The following LRP2 variants were observed in gnomAD, a reference collection of about 807,000 sequenced individuals.
The protein encoded by LRP2 is LDL receptor related protein 2, also known as low-density lipoprotein receptor-related protein 2.
Under a neutral mutation model 531.0 loss-of-function variants are expected in LRP2, and 172 were observed. The observed-to-expected ratio is 0.32, with a 90% CI of 0.29 to 0.37. The LOEUF (loss-of-function observed/expected upper bound fraction) is 0.37, where lower values mean the gene tolerates loss of function less well. LRP2 is among the 10% of genes least tolerant of loss of function. LRP2 has a pLI of 1.00. For synonymous variants in LRP2, 1,992 were observed against 2,027.6 expected (o/e 0.98, Z 0.47); for missense variants, 5,167 against 5,868.3 (o/e 0.88, Z 3.90).
chr2:169,271,006 G>A lies in LRP2; in HGVS notation c.2218C>T (p.Pro740Ser). 1 of 1,613,228 alleles carries A rather than the reference G, an allele frequency of 6.2e-7. No homozygotes were observed. Among genetic ancestry groups the A allele is most frequent in the Non-Finnish European group, 8.5e-7 (1 of 1,179,574 alleles). Reference protein sequence around the residue: ...EDVMVPVSGNPSFFVGIDFDA... With the variant: ...EDVMVPVSGNSSFFVGIDFDA... ...AAATCAATCCCGACAAAGAAAGAAG[G>A]ATTCCCCGAAACTGGAACCATGACA... The change falls in exon 16 of 79, where the codon CCT becomes TCT. Residue 740 changes from proline to serine, a missense_variant. By Grantham distance (74) the Pro-to-Ser change is moderately conservative. Transcript: ENST00000649046.
At chr2:169,202,350 G>C (rs1226024692) in intron 43 of LRP2, among the ~76,000 whole-genome samples, 1 of 152,226 alleles carries the variant, frequency 6.6e-6, no homozygotes, top group East Asian at 1.9e-4. Context: ...TACGAAAATT[G>C]GTAAAATGAT....
chr2:169,333,252 A>G (rs1292043792), intron 1 of LRP2, among the ~76,000 whole-genome samples: 1 of 152,178 alleles, frequency 6.6e-6, no homozygotes, highest in Non-Finnish European at 1.5e-5. Flanking sequence ...TTTTATAAGC[A>G]GAAAGTTCAA....
At chr2:169,157,328 T>C (rs80009544) in intron 64 of LRP2, 43 bp downstream of exon 64, 17,543 of 1,601,166 alleles carry the variant, frequency 0.011, 105 homozygotes, top group Non-Finnish European at 0.013. Flanking sequence ...GAACCTTAGA[T>C]GTAAAGTTCA....
rs1224873209 is a variant in LRP2, at chr2:169,185,605, C to T, written c.9743G>A (p.Arg3248Lys). 2 of 1,614,144 alleles carry T rather than the reference C, an allele frequency of 1.2e-6. No individual in the cohort carries two copies. The highest frequency in any genetic ancestry group is 1.1e-5 in the South Asian group (1 of 91,080). ...CAGAAACATTCTCTCAATGACTTGC[C>T]TCTGTGTATCAATCCAATACAATCT... ...EKRLYWIDTQ[R>K]QVIERMFLNK... Residue 3248 changes from arginine (R) to lysine (K), a missense_variant, in exon 50 of 79, where the codon AGG becomes AAG. Coordinates refer to ENST00000649046, the MANE Select transcript of LRP2 (RefSeq NM_004525.3).
At chr2:169,196,834 T>A in intron 46 of LRP2, 77 bp downstream of exon 46, 1 of 1,595,872 alleles carries the variant, frequency 6.3e-7, no homozygotes, top group East Asian at 2.2e-5. Context: ...GACCCTGGTC[T>A]GTATTTGAAG....
intron 35 of LRP2, among the ~76,000 whole-genome samples, chr2:169,215,639 A>G (rs541806196): frequency 6.6e-6 from 1 of 150,438 alleles, no homozygotes; most frequent in East Asian, 1.9e-4. Context: ...CATAGAATAT[A>G]CCTATATCCT....
chr2:169,362,136 G>T (rs1426105513), intron 1 of LRP2, among the ~76,000 whole-genome samples, 185 bp downstream of exon 1: 1 of 152,226 alleles, frequency 6.6e-6, no homozygotes, highest in South Asian at 2.1e-4. Flanking sequence ...TTCCTGGCGA[G>T]CGAAGAGGGG....
chr2:169,277,190 T>C (rs1234587261), intron 13 of LRP2, among the ~76,000 whole-genome samples: 2 of 64,748 alleles, frequency 3.1e-5, no homozygotes, highest in African/African-American at 1.0e-4. Context: ...TGAGACTCCA[T>C]CTCAAAAAAA....
intron 33 of LRP2, among the ~76,000 whole-genome samples, chr2:169,222,558 A>G (rs1442671034): frequency 1.3e-5 from 2 of 152,170 alleles, no homozygotes; most frequent in African/African-American, 2.4e-5. Context: ...ACAAATTCCA[A>G]GATCACCAAT....
In LRP2 at chr2:169,256,127, A is replaced by G; in HGVS notation, c.2749T>C (p.Phe917Leu). Residue 917 changes from phenylalanine to leucine, a missense_variant, in exon 19 of 79, where the codon TTT (phenylalanine) becomes CTT (leucine). Around this residue, in one of 6 missense-constraint regions of LRP2, gnomAD observed 2,811 missense variants for 3,058.0 expected, o/e 0.92. Transcript: ENST00000649046. ...ATACCTCCAAAGATGGCAAGTCCAAACGGATGTGTCATCTGCTCTATATGG... is the reference window on the plus strand; with the variant it reads ...ATACCTCCAAAGATGGCAAGTCCAAGCGGATGTGTCATCTGCTCTATATGG... ...LGHIEQMTHPFGLAIFGEHLF... is the reference protein window; with the variant it reads ...LGHIEQMTHPLGLAIFGEHLF... 5 of 1,612,998 alleles carry G rather than the reference A, an allele frequency of 3.1e-6. No individual in the cohort carries two copies. The highest frequency in any genetic ancestry group is 4.2e-6 in the Non-Finnish European group (5 of 1,179,218).
At chr2:169,334,300 C>G (rs901721419) in intron 1 of LRP2, among the ~76,000 whole-genome samples, 1 of 152,106 alleles carries the variant, frequency 6.6e-6, no homozygotes, top group Non-Finnish European at 1.5e-5. Context: ...AAAATCTCTA[C>G]TAACTGACAC....
At chr2:169,338,150 G>A (rs1299360703) in intron 1 of LRP2, among the ~76,000 whole-genome samples, 1 of 148,806 alleles carries the variant, frequency 6.7e-6, no homozygotes, top group Non-Finnish European at 1.5e-5. Flanking sequence ...TAGGGAAGGA[G>A]GAAGAGAGGG....
At chr2:169,243,375 T>A (rs772295659) in intron 23 of LRP2, 28 bp downstream of exon 23, 2 of 1,613,228 alleles carry the variant, frequency 1.2e-6, no homozygotes, top group South Asian at 2.2e-5. Context: ...ATAAACATTG[T>A]GAATAAAAAA....
rs1683644427 is a variant in LRP2 at position 169,279,575 on chromosome 2, A to G, written c.1362T>C (p.Asn454=). Residue 454 remains asparagine, a synonymous_variant, in exon 12 of 79, where the codon AAT becomes AAC. Coordinates refer to ENST00000649046, the MANE Select transcript of LRP2 (RefSeq NM_004525.3). ...TGAGAACCTCTTGGATATTTAAACC[A>G]TTAATGTCAACTGAAAAAACCTGAA... The part of the protein sequence containing the change: ...VQNKVFSVDI[N]GLNIQEVLNV... The G allele has an allele frequency of 3.1e-6, 5 of 1,612,598 alleles. No individual in the cohort carries two copies. The highest frequency in any genetic ancestry group is 2.2e-5 in the South Asian group (2 of 90,998).
At chr2:169,281,225 C>A (rs1683694654) in intron 10 of LRP2, among the ~76,000 whole-genome samples, 1 of 152,094 alleles carries the variant, frequency 6.6e-6, no homozygotes, top group South Asian at 2.1e-4. Flanking sequence ...AGTTCGAGAT[C>A]AGCCTGGCCA....
intron 16 of LRP2, among the ~76,000 whole-genome samples, chr2:169,270,644 T>C (rs1286417438): frequency 1.3e-5 from 2 of 150,100 alleles, no homozygotes; most frequent in African/African-American, 2.4e-5. Context: ...TTAGGAGATA[T>C]ACCTAACATA....
At chr2:169,289,571 G>GA (rs1229673714) in intron 8 of LRP2, among the ~76,000 whole-genome samples, 27 of 149,036 alleles carry the variant, frequency 1.8e-4, no homozygotes, top group Middle Eastern at 3.5e-3. Context: ...GGAAACAAAA[G>GA]AAAAGAAAAA....
chr2:169,290,728 T>G, intron 8 of LRP2, 117 bp downstream of exon 8: 1 of 1,106,000 alleles, frequency 9.0e-7, no homozygotes. Flanking sequence ...TTTATGCCAC[T>G]AAGTCTTGGG....
At chr2:169,292,163 C>G in intron 7 of LRP2, 90 bp downstream of exon 7, 1 of 1,045,068 alleles carries the variant, frequency 9.6e-7, no homozygotes, top group Non-Finnish European at 1.5e-6. Flanking sequence ...GCTTGTCACA[C>G]AAAATTTCTA....
Sources: allele counts gnomAD v4.1 joint callset (sites outside exome capture counted in the v4.1 genomes callset), GRCh38; gene constraint gnomAD v4.1.1; regional missense constraint gnomAD v4.1.1; transcripts MANE v1.5; gene names NCBI Gene and HGNC (gene_info 2026-07-23, HGNC 2026-07-21).